Variants in RBFOX1 observed in about 807,000 individuals in gnomAD.
RBFOX1 encodes RNA binding fox-1 homolog 1, also known as RNA binding protein fox-1 homolog 1.
Under a neutral mutation model 57.7 loss-of-function variants are expected in RBFOX1, and 8 were observed. That is an observed-to-expected ratio of 0.14 (90% CI 0.08 to 0.25). The LOEUF (loss-of-function observed/expected upper bound fraction) is 0.25, where lower values mean the gene tolerates loss of function less well. RBFOX1 is among the 10% of genes least tolerant of loss of function. The pLI, the probability that RBFOX1 is intolerant of heterozygous loss-of-function variation, is 1.00. For missense variants in RBFOX1, 611 were observed against 548.5 expected (o/e 1.11, Z -1.14); for synonymous variants, 326 against 222.4 (o/e 1.47, Z -4.15).
chr16:6,920,162 C>G (rs1397410298), intron 3 of RBFOX1, among the ~76,000 whole-genome samples: 2 of 152,102 alleles, frequency 1.3e-5, no homozygotes, highest in Non-Finnish European at 2.9e-5. Flanking sequence ...GGTGTATTTT[C>G]TTTATCCACT....
intron 3 of RBFOX1, among the ~76,000 whole-genome samples, chr16:6,973,806 A>G (rs1156501758): frequency 6.6e-6 from 1 of 152,098 alleles, no homozygotes; most frequent in African/African-American, 2.4e-5. Context: ...TCCAGGGTAC[A>G]TGTGCAGGAT....
chr16:6,872,463 G>C (rs964641023), intron 3 of RBFOX1, among the ~76,000 whole-genome samples: 3 of 152,054 alleles, frequency 2.0e-5, no homozygotes, highest in African/African-American at 7.2e-5. Flanking sequence ...TTAGGAAACA[G>C]CTGAATTAGC....
At chr16:5,749,132 C>T (rs1010044251) in intron 3 of RBFOX1, among the ~76,000 whole-genome samples, 1 of 152,054 alleles carries the variant, frequency 6.6e-6, no homozygotes, top group Non-Finnish European at 1.5e-5. Context: ...ACTTATGAAG[C>T]TTAGTTTTGC....
chr16:6,995,006 C>T (rs935985783), intron 3 of RBFOX1, among the ~76,000 whole-genome samples: 3 of 143,972 alleles, frequency 2.1e-5, no homozygotes, highest in Middle Eastern at 4.3e-3. Flanking sequence ...TGTTTGCATA[C>T]GTGTGTATAT....
intron 4 of RBFOX1, among the ~76,000 whole-genome samples, chr16:5,956,678 A>ATAT (rs368096576): frequency 8.6e-6 from 1 of 116,506 alleles, no homozygotes; most frequent in African/African-American, 3.5e-5. Context: ...ATATATATAT[A>ATAT]TTTTTTTTGA....
At chr16:7,131,364 T>TA (rs35050100) in intron 4 of RBFOX1, among the ~76,000 whole-genome samples, 128 of 83,292 alleles carry the variant, frequency 1.5e-3, no homozygotes, top group South Asian at 2.8e-3. Context: ...TTTTTTTTTT[T>TA]AAAAAAAAAA....
At chr16:6,927,590 G>A (rs1484206227) in intron 3 of RBFOX1, among the ~76,000 whole-genome samples, 2 of 151,894 alleles carry the variant, frequency 1.3e-5, no homozygotes, top group South Asian at 2.1e-4. Context: ...TGTCCTGTGT[G>A]CCTGGAAAAG....
chr16:5,876,768 A>G (rs1471844307), intron 4 of RBFOX1, among the ~76,000 whole-genome samples: 1 of 152,192 alleles, frequency 6.6e-6, no homozygotes, highest in Non-Finnish European at 1.5e-5. Context: ...ACTTCACTCC[A>G]GCTCTCAGAC....
intron 3 of RBFOX1, among the ~76,000 whole-genome samples, chr16:5,760,453 C>T (rs1244297597): frequency 6.6e-6 from 1 of 152,074 alleles, no homozygotes; most frequent in Non-Finnish European, 1.5e-5. Context: ...ATTACATGTC[C>T]ATATACGTGA....
intron 3 of RBFOX1, among the ~76,000 whole-genome samples, chr16:6,769,475 T>G (rs12928462): frequency 0.31 from 47,515 of 152,190 alleles, 9,414 homozygotes; most frequent in Non-Finnish European, 0.44. Context: ...TTAGCAACAG[T>G]GCAGCATTCT....
intron 9 of RBFOX1, among the ~76,000 whole-genome samples, chr16:7,600,652 A>C (rs2094961902): frequency 6.6e-6 from 1 of 152,232 alleles, no homozygotes; most frequent in Non-Finnish European, 1.5e-5. Context: ...TCAAAGTTTC[A>C]GGTCATCTCC....
chr16:6,868,046 T>C (rs1050232373), intron 3 of RBFOX1, among the ~76,000 whole-genome samples: 3 of 152,228 alleles, frequency 2.0e-5, no homozygotes, highest in Admixed American at 6.5e-5. Flanking sequence ...GAAATATAGG[T>C]ATTATAGTAA....
chr16:5,501,626 T>G (rs2043200790), intron 2 of RBFOX1, among the ~76,000 whole-genome samples: 1 of 152,196 alleles, frequency 6.6e-6, no homozygotes, highest in South Asian at 2.1e-4. Context: ...CCTCCTAAGT[T>G]GCTCAAATAT....
intron 2 of RBFOX1, among the ~76,000 whole-genome samples, chr16:5,545,572 C>A (rs954007701): frequency 1.3e-5 from 2 of 151,926 alleles, no homozygotes; most frequent in African/African-American, 4.8e-5. Flanking sequence ...TCAATAGAAT[C>A]CATCATATTA....
At chr16:5,406,418 T>C (rs1331422062) in intron 1 of RBFOX1, among the ~76,000 whole-genome samples, 1 of 152,148 alleles carries the variant, frequency 6.6e-6, no homozygotes. Flanking sequence ...GTGTTCTGGT[T>C]CTCAGGCCTT....
chr16:7,693,598 T>G (rs1032614134), intron 14 of RBFOX1, among the ~76,000 whole-genome samples: 1 of 152,222 alleles, frequency 6.6e-6, no homozygotes, highest in East Asian at 1.9e-4. Flanking sequence ...TAATAATACA[T>G]GGTCCAGAAA....
intron 2 of RBFOX1, among the ~76,000 whole-genome samples, chr16:6,637,922 G>A (rs7196494): frequency 1.3e-5 from 2 of 152,050 alleles, no homozygotes; most frequent in Admixed American, 6.6e-5. Context: ...CCCAAAAATG[G>A]TTAAAATGAC....
chr16:6,514,590 G>T (rs1409353461), intron 2 of RBFOX1, among the ~76,000 whole-genome samples: 2 of 152,126 alleles, frequency 1.3e-5, no homozygotes, highest in South Asian at 2.1e-4. Flanking sequence ...GAGCATTCCT[G>T]ATGTTCCCCT....
chr16:6,932,685 A>T (rs531269905), intron 3 of RBFOX1, among the ~76,000 whole-genome samples: 1 of 152,158 alleles, frequency 6.6e-6, no homozygotes, highest in African/African-American at 2.4e-5. Context: ...GCTCAAACAC[A>T]TGTCTCTACT....
Sources: gnomAD v4.1 joint callset for allele counts (sites outside exome capture counted in the v4.1 genomes callset) on GRCh38, gnomAD v4.1.1 for gene constraint, MANE v1.5 for transcripts, NCBI Gene and HGNC (gene_info 2026-07-23, HGNC 2026-07-21) for gene names.